SAFB: variants seen among roughly 807,000 people sequenced by gnomAD.
SAFB encodes scaffold attachment factor B1.
In SAFB, 15 loss-of-function variants were observed where a neutral mutation model predicts 101.6. The observed-to-expected ratio is 0.15, with a 90% CI of 0.10 to 0.23. The LOEUF is 0.23. Ranked by LOEUF, SAFB falls within the 10% of genes least tolerant of loss-of-function variation. The pLI is 1.00. For synonymous variants in SAFB, 449 were observed against 407.5 expected, an observed-to-expected ratio of 1.10 and a Z score of -1.23; for missense variants, 930 against 1,104.1, an observed-to-expected ratio of 0.84 and a Z score of 2.23.
At chr19:5,664,471 A>G (rs1394731281) in intron 17 of SAFB, 32 bp downstream of exon 17, 1 of 1,574,560 alleles carries the variant, frequency 6.4e-7, no homozygotes, top group Non-Finnish European at 8.7e-7. Context: ...TAGCCACAGA[A>G]TTTCCCATAG....
At chr19:5,627,276 T>C in intron 2 of SAFB, among the ~76,000 whole-genome samples, 1 of 152,088 alleles carries the variant, frequency 6.6e-6, no homozygotes, top group East Asian at 1.9e-4. Context: ...GTCTAGGAGT[T>C]TGAGACCAGC....
At chr19:5,657,064 C>T (rs903510780) in intron 13 of SAFB, among the ~76,000 whole-genome samples, 177 bp from the exon 14 acceptor site, 1 of 152,112 alleles carries the variant, frequency 6.6e-6, no homozygotes, top group Non-Finnish European at 1.5e-5. Flanking sequence ...AGCCACTGCG[C>T]CCGGCAATTT....
Position 5,645,357 on chromosome 19 carries a change from A to C in SAFB, c.567A>C (p.Ile189=). 7.4e-7 allele frequency: 1 copy of C among 1,343,806 alleles called. No individual in the cohort carries two copies. Among genetic ancestry groups the C allele is most frequent in the Non-Finnish European group, 1.1e-6 (1 of 935,004 alleles). The allele number at this position is 1,343,806 out of a possible 1,614,324, so 83.2% of individuals were successfully genotyped here. A position where few individuals can be genotyped will look rare whatever the true frequency, so the allele number is the denominator to read the frequency against. ...QEHAIEDKET[I]NNLDTSSSDF... ...TACAGATAGAGGACAAAGAAACTATAAACAATTTAGATACTTCATCATCTG... is the reference window on the plus strand; with the variant it reads ...TACAGATAGAGGACAAAGAAACTATCAACAATTTAGATACTTCATCATCTG... The change falls in exon 5 of 21, where the codon ATA becomes ATC. Residue 189 remains isoleucine (I), a synonymous_variant. Transcript: ENST00000588852.
chr19:5,648,431 A>G (rs1426836685), intron 6 of SAFB: 1 of 282,292 alleles, frequency 3.5e-6, no homozygotes, highest in African/African-American at 2.3e-5. Context: ...GAGGCAGCTC[A>G]GGTAGTGGTA....
chr19:5,654,279 G>A, intron 12 of SAFB, 79 bp downstream of exon 12: 1 of 1,597,986 alleles, frequency 6.3e-7, no homozygotes, highest in Non-Finnish European at 8.6e-7. Flanking sequence ...TGATTAGCTG[G>A]CAACGGAAAC....
chr19:5,664,394 C>T lies in SAFB; in HGVS notation c.2292-3C>T, dbSNP rs2054283838. The T allele has an allele frequency of 6.2e-7, 1 of 1,612,672 alleles. No homozygotes were observed. The highest frequency in any genetic ancestry group is 8.5e-7 in the Non-Finnish European group (1 of 1,178,710). On this transcript the variant is annotated splice_region_variant and splice_polypyrimidine_tract_variant and intron_variant, in intron 16 of 20. Transcript: ENST00000588852. Reference sequence around the variant, plus strand: ...TACGGTTTGATTTAAATTGCCTTTTCAGGAGAGAAGGTTCAAGGTCAATGA... The same window carrying T: ...TACGGTTTGATTTAAATTGCCTTTTTAGGAGAGAAGGTTCAAGGTCAATGA...
intron 9 of SAFB, 103 bp from the exon 10 acceptor site, chr19:5,653,012 T>C: frequency 8.5e-7 from 1 of 1,170,442 alleles, no homozygotes; most frequent in East Asian, 2.4e-5. Flanking sequence ...GTCTAACACT[T>C]GTCGGACCCC....
intron 13 of SAFB, among the ~76,000 whole-genome samples, chr19:5,655,459 CAAAA>C (rs56999816): frequency 1.6e-4 from 9 of 55,168 alleles, no homozygotes; most frequent in African/African-American, 2.3e-4. Context: ...GACCCCATCT[CAAAA>C]AAAAAAAAAA....
intron 6 of SAFB, chr19:5,648,708 C>T (rs1025103328): frequency 1.4e-5 from 8 of 562,994 alleles, no homozygotes; most frequent in African/African-American, 1.1e-4. Flanking sequence ...CATATCTAAA[C>T]GACGACAGAA....
Position 5,661,821 on chromosome 19 carries a change from A to C in SAFB, c.2153+13A>C. On this transcript the variant is annotated intron_variant, in intron 15 of 20. Transcript: ENST00000588852. ...ACGACCTGGACCGGTAAGCAGATCC[A>C]TGCTGCCCTTAGCACGTGGCGTTCA... 6.6e-7 allele frequency: 1 copy of C among 1,523,116 alleles called. No homozygotes were observed. The highest frequency in any genetic ancestry group is 8.8e-7 in the Non-Finnish European group (1 of 1,132,444). 94.4% of individuals were successfully genotyped at this position (1,523,116 alleles called of 1,614,324 possible). A position where few individuals can be genotyped will look rare whatever the true frequency, so the allele number is the denominator to read the frequency against.
chr19:5,660,229 C>T (rs1465761565), intron 14 of SAFB, among the ~76,000 whole-genome samples: 6 of 151,552 alleles, frequency 4.0e-5, no homozygotes, highest in Non-Finnish European at 8.8e-5. Flanking sequence ...GTACATCCTC[C>T]TGTACACTTT....
chr19:5,642,225 G>A (rs117396297), intron 4 of SAFB, among the ~76,000 whole-genome samples: 2,562 of 152,318 alleles, frequency 0.017, 43 homozygotes, highest in East Asian at 0.027. Flanking sequence ...GATCTGTGGT[G>A]TTATGGCCTA....
chr19:5,623,934 A>G (rs970459871), intron 1 of SAFB: 1 of 152,362 alleles, frequency 6.6e-6, no homozygotes, highest in African/African-American at 2.4e-5. Context: ...CAAAGGGAAA[A>G]ATAGAAAAAA....
chr19:5,623,447 C>G (rs1297660465), intron 1 of SAFB, 53 bp downstream of exon 1: 1 of 1,494,768 alleles, frequency 6.7e-7, no homozygotes, highest in Non-Finnish European at 9.1e-7. Flanking sequence ...GTCCTCTTGG[C>G]CGCGACGGTG....
chr19:5,656,965 G>GT (rs1273201471), intron 13 of SAFB, among the ~76,000 whole-genome samples: 4 of 151,844 alleles, frequency 2.6e-5, no homozygotes, highest in Admixed American at 2.6e-4. Flanking sequence ...TAGAGACGGG[G>GT]TTTCACCGTG....
intron 4 of SAFB, 80 bp from the exon 5 acceptor site, chr19:5,645,255 TTC>T: frequency 3.0e-6 from 2 of 668,826 alleles, no homozygotes; most frequent in Non-Finnish European, 5.5e-6. Context: ...TTCATAGCTG[TTC>T]ACTTTTCATT....
At chr19:5,624,246 A>G (rs2053286167) in intron 1 of SAFB, among the ~76,000 whole-genome samples, 1 of 148,140 alleles carries the variant, frequency 6.8e-6, no homozygotes, top group Non-Finnish European at 1.5e-5. Flanking sequence ...TTTCTCCTGT[A>G]AGAAGCAAAA....
At chr19:5,653,546 A>C in intron 11 of SAFB, 126 bp downstream of exon 11, 1 of 757,220 alleles carries the variant, frequency 1.3e-6, no homozygotes, top group Non-Finnish European at 2.2e-6. Context: ...GGCTCACCTC[A>C]ACTCCACCTC....
intron 16 of SAFB, 94 bp from the exon 17 acceptor site, chr19:5,664,303 G>C: frequency 2.8e-6 from 4 of 1,444,244 alleles, no homozygotes; most frequent in Non-Finnish European, 2.9e-6. Flanking sequence ...CCTTCAGTTA[G>C]GGAAATTATG....
Sources: gnomAD v4.1 joint callset for allele counts (sites outside exome capture counted in the v4.1 genomes callset) on GRCh38, gnomAD v4.1.1 for gene constraint, MANE v1.5 for transcripts, NCBI Gene and HGNC (gene_info 2026-07-23, HGNC 2026-07-21) for gene names.